The following EBF4 variants were observed in gnomAD, a reference collection of about 807,000 sequenced individuals.
The protein encoded by EBF4 is EBF transcription factor 4, also known as transcription factor COE4.
Under a neutral mutation model 67.1 loss-of-function variants are expected in EBF4, and 34 were observed. The ratio of observed to expected loss-of-function variants is 0.51; its 90% CI spans 0.39 to 0.67. The LOEUF (loss-of-function observed/expected upper bound fraction) is 0.67, where lower values mean the gene tolerates loss of function less well. Ranked by LOEUF, EBF4 falls within the 30% of genes least tolerant of loss-of-function variation. EBF4 has a pLI of 0.00. For missense variants in EBF4, 837 were observed against 873.3 expected, an observed-to-expected ratio of 0.96 and a Z score of 0.52; for synonymous variants, 387 against 377.7, an observed-to-expected ratio of 1.02 and a Z score of -0.29.
rs1347969569 is a variant in EBF4, at chr20:2,755,767, C to T, written c.1681C>T (p.Arg561Cys). The change falls in exon 15 of 17, where the codon CGC becomes TGC. Residue 561 changes from arginine to cysteine, a missense_variant. Physicochemically the swap from Arg to Cys is radical, Grantham distance 180. Around this residue, in one of 3 missense-constraint regions of EBF4, gnomAD observed 525 missense variants for 496.5 expected, o/e 1.06. Transcript: ENST00000609451. This position sits in a 1 kb window ranked among gnomAD's most constrained non-coding sequence, Gnocchi z 4.7. ...GAGGAGCGCCTTCGCCCCCGTGCTG[C>T]GCCCCCCAAGCTCCCCACCCCAGGC... 1.2e-5 allele frequency: 19 copies of T among 1,550,300 alleles called. No individual in the cohort carries two copies. The highest frequency in any genetic ancestry group is 2.4e-5 in the South Asian group (2 of 84,046).
At chr20:2,737,021 G>C (rs1017584795) in intron 6 of EBF4, among the ~76,000 whole-genome samples, 1 of 152,052 alleles carries the variant, frequency 6.6e-6, no homozygotes, top group Admixed American at 6.6e-5. Context: ...AGGCCAAGGT[G>C]GGCAGATCAC....
chr20:2,708,395 C>A (rs1025597779), intron 5 of EBF4, among the ~76,000 whole-genome samples: 1 of 152,204 alleles, frequency 6.6e-6, no homozygotes, highest in Non-Finnish European at 1.5e-5. Flanking sequence ...AATTTTGAAT[C>A]CTAGGGCAGC....
chr20:2,757,262 T>G (rs951120854), intron 15 of EBF4, among the ~76,000 whole-genome samples: 2 of 152,310 alleles, frequency 1.3e-5, no homozygotes, highest in African/African-American at 4.8e-5. Context: ...GGATGATACA[T>G]GTCCGCAGCG....
At chr20:2,752,394 G>A (rs1600245246) in exon 14 of EBF4, 4 of 1,261,996 alleles carry the variant, frequency 3.2e-6, no homozygotes, top group African/African-American at 3.1e-5. Context: ...CCCCCCGCGG[G>A]TTCGCGCCCA....
chr20:2,709,967 C>G lies in EBF4; in HGVS notation c.557+325C>G, dbSNP rs143539401. ...CTCAGGAACCGTCCAGGTGGAGTGG[C>G]CAGCGTGGTCATGTCAGCAAAAACC... is the stretch of plus-strand genomic sequence containing the variant. On this transcript the variant is annotated intron_variant, in intron 6 of 16. Coordinates refer to ENST00000609451, the Ensembl canonical transcript of EBF4. Among the ~76,000 whole-genome samples, 1,057 of 152,260 alleles carry G rather than the reference C, an allele frequency of 6.9e-3. 12 individuals carry two copies. The highest frequency in any genetic ancestry group is 0.024 in the African/African-American group (982 of 41,536).
At chr20:2,708,344 G>A (rs1240137903) in intron 5 of EBF4, among the ~76,000 whole-genome samples, 1 of 152,222 alleles carries the variant, frequency 6.6e-6, no homozygotes, top group Non-Finnish European at 1.5e-5. Context: ...ACAGGGTCTG[G>A]GAAGGCCTCT....
intron 1 of EBF4, among the ~76,000 whole-genome samples, chr20:2,698,466 G>A (rs886399941): frequency 6.6e-6 from 1 of 152,136 alleles, no homozygotes; most frequent in Non-Finnish European, 1.5e-5. Context: ...GATCTTGTCT[G>A]GGGCAGGAGG....
At chr20:2,732,035 T>C (rs1049725067) in intron 6 of EBF4, among the ~76,000 whole-genome samples, 3 of 152,206 alleles carry the variant, frequency 2.0e-5, no homozygotes, top group Admixed American at 6.5e-5. Context: ...CAGTTATTAT[T>C]GTTTGTTCCT....
intron 14 of EBF4, 120 bp downstream of exon 14, chr20:2,752,665 C>T: frequency 1.1e-6 from 1 of 910,792 alleles, no homozygotes; most frequent in Non-Finnish European, 1.4e-6. Flanking sequence ...GACCCTGGCT[C>T]AGCCCTCGGG....
At chr20:2,738,443 A>G (rs1014644628) in intron 6 of EBF4, among the ~76,000 whole-genome samples, 3 of 151,674 alleles carry the variant, frequency 2.0e-5, no homozygotes, top group Non-Finnish European at 2.9e-5. Flanking sequence ...GATAGCCTGC[A>G]TTGACAGAAG....
At position 2,739,367 on chromosome 20, in the gene EBF4, C is replaced by T. The variant is rs80061592; in HGVS notation, c.558-9182C>T. On this transcript the variant is annotated intron_variant, in intron 6 of 16. Transcript: ENST00000609451. The surrounding 1 kb of genome is among the most constrained non-coding windows in gnomAD (Gnocchi z 4.5). ...ATGGAGGGCCCTGCCTCCTACTTCT[C>T]GGTGAGATCCTCCAAGACCCATCAC... Among the ~76,000 whole-genome samples, 166 of 152,090 alleles carry T rather than the reference C, an allele frequency of 1.1e-3. 5 individuals carry two copies. In the East Asian group the frequency reaches 0.026, roughly 24 times the overall value.
chr20:2,715,824 C>T (rs1287697303), intron 6 of EBF4, among the ~76,000 whole-genome samples: 1 of 152,202 alleles, frequency 6.6e-6, no homozygotes, highest in Non-Finnish European at 1.5e-5. Flanking sequence ...TCTCGGCTCA[C>T]TGCAACCTCT....
intron 6 of EBF4, among the ~76,000 whole-genome samples, chr20:2,711,148 A>AAATAAT (rs144765250): frequency 0.034 from 5,055 of 146,788 alleles, 270 homozygotes; most frequent in African/African-American, 0.11. Context: ...ACCCTGTCTA[A>AAATAAT]AATAATAATA....
chr20:2,700,625 C>T (rs2087360699), intron 1 of EBF4, among the ~76,000 whole-genome samples: 1 of 152,182 alleles, frequency 6.6e-6, no homozygotes, highest in Non-Finnish European at 1.5e-5. Flanking sequence ...GCCCTCAGAC[C>T]ACTCAGCACC....
rs773329065 is a variant in EBF4, at chr20:2,705,959, A to T, written c.295-15A>T. On this transcript the variant is annotated splice_polypyrimidine_tract_variant and intron_variant, in intron 2 of 16. Transcript: ENST00000609451. The stretch of plus-strand genomic sequence containing the variant: ...TCCCTGAGCACCCGAGCATCCTCCC[A>T]TCTTGTCCCTGCAGGAGCCCGGGGC... 5 of 1,550,800 alleles carry T rather than the reference A, an allele frequency of 3.2e-6. No homozygotes were observed. Among genetic ancestry groups the T allele is most frequent in the Non-Finnish European group, 4.4e-6 (5 of 1,146,536 alleles).
chr20:2,719,591 GACGAGGTCTC>G (rs1466739831), intron 6 of EBF4, among the ~76,000 whole-genome samples: 37 of 152,212 alleles, frequency 2.4e-4, no homozygotes, highest in African/African-American at 8.2e-4. Context: ...TTTTTGTAGA[GACGAGGTCTC>G]ACCATGTTTT....
intron 6 of EBF4, among the ~76,000 whole-genome samples, chr20:2,713,246 A>G (rs1004502187): frequency 1.3e-5 from 2 of 152,184 alleles, no homozygotes; most frequent in African/African-American, 2.4e-5. Context: ...GTGCATAGGT[A>G]GAGAGGCTGG....
chr20:2,722,943 C>G (rs549642589), intron 6 of EBF4, among the ~76,000 whole-genome samples: 1 of 152,300 alleles, frequency 6.6e-6, no homozygotes, highest in Admixed American at 6.5e-5. Flanking sequence ...CTATATTACA[C>G]ATGTCCATTA....
intron 6 of EBF4, among the ~76,000 whole-genome samples, chr20:2,722,812 G>T (rs138002896): frequency 6.6e-6 from 1 of 152,252 alleles, no homozygotes; most frequent in African/African-American, 2.4e-5. Context: ...GGTAAATGTG[G>T]TCTCCGTTAC....
Sources: gnomAD v4.1 joint callset for allele counts (sites outside exome capture counted in the v4.1 genomes callset) on GRCh38, gnomAD v4.1.1 for gene constraint, gnomAD v4.1.1 regional missense constraint, Gnocchi (gnomAD v3.1) non-coding constraint, MANE v1.5 for transcripts, NCBI Gene and HGNC (gene_info 2026-07-23, HGNC 2026-07-21) for gene names.